CHST11: variants seen among roughly 807,000 people sequenced by gnomAD.
CHST11 encodes the protein carbohydrate sulfotransferase 11.
Under a neutral mutation model 30.4 loss-of-function variants are expected in CHST11, and 9 were observed. The observed-to-expected ratio is 0.30, with a 90% CI of 0.18 to 0.52. CHST11 has a LOEUF of 0.52. Ranked by LOEUF, CHST11 falls within the 20% of genes least tolerant of loss-of-function variation. CHST11 has a pLI of 0.97. For synonymous variants in CHST11, 152 were observed against 187.8 expected (o/e 0.81, Z 1.56); for missense variants, 348 against 460.6 (o/e 0.76, Z 2.24).
intron 1 of CHST11, among the ~76,000 whole-genome samples, chr12:104,557,561 AG>A (rs1346210821): frequency 6.6e-6 from 1 of 151,766 alleles, no homozygotes; most frequent in African/African-American, 2.4e-5. Context: ...TGAAGCCCAG[AG>A]GGGAGAGGAG....
chr12:104,744,089 A>G (rs964411000), intron 2 of CHST11, among the ~76,000 whole-genome samples: 5 of 152,234 alleles, frequency 3.3e-5, no homozygotes, highest in Non-Finnish European at 5.9e-5. Flanking sequence ...TCTTTATAAT[A>G]GAATGATTTA....
chr12:104,590,409 A>G (rs1230625823), intron 1 of CHST11, among the ~76,000 whole-genome samples: 1 of 152,210 alleles, frequency 6.6e-6, no homozygotes, highest in African/African-American at 2.4e-5. Context: ...ACTGTATTTC[A>G]AAACGGTTTA....
In CHST11 at chr12:104,507,772, A is replaced by T. The variant is rs547081393; in HGVS notation, c.118+50243A>T. Among the ~76,000 whole-genome samples, 130 of 152,142 alleles carry T rather than the reference A, an allele frequency of 8.5e-4. 3 individuals are homozygous for T. The South Asian group carries it at 0.024, about 28-fold the overall frequency. ...GTGTAGCCCAGGCAAATTCTCATGG[A>T]TCTGGCAAAGGTACAAGAGCCAGTG... On this transcript the variant is annotated intron_variant, in intron 1 of 2. Transcript: ENST00000303694.
intron 2 of CHST11, among the ~76,000 whole-genome samples, chr12:104,693,513 T>G (rs2039917701): frequency 6.6e-6 from 1 of 152,218 alleles, no homozygotes; most frequent in Admixed American, 6.5e-5. Context: ...GTCACTTAAA[T>G]TACACAACTT....
intron 2 of CHST11, among the ~76,000 whole-genome samples, chr12:104,657,904 G>A (rs1399809744): frequency 3.9e-5 from 6 of 152,120 alleles, no homozygotes; most frequent in East Asian, 1.9e-4. Flanking sequence ...GCCTGGACCC[G>A]AATAAAGACA....
At chr12:104,531,295 C>T (rs2038180673) in intron 1 of CHST11, among the ~76,000 whole-genome samples, 1 of 151,916 alleles carries the variant, frequency 6.6e-6, no homozygotes, top group African/African-American at 2.4e-5. Flanking sequence ...TTGAGACCAG[C>T]CTGGGCAACA....
rs187338359 is a variant in CHST11 at position 104,558,674 on chromosome 12, G to A, written c.119-43232G>A. ...CTGCCTTAGCCTCCCAAGTAACTGG[G>A]ACTTCAGGTGTGTGCCACCACGCCC... On this transcript the variant is annotated intron_variant, in intron 1 of 2. Coordinates refer to ENST00000303694, the MANE Select transcript of CHST11 (RefSeq NM_018413.6). 5.2e-3 allele frequency among the ~76,000 whole-genome samples: 795 copies of A among 151,818 alleles called. 3 individuals are homozygous for A. Among genetic ancestry groups the A allele is most frequent in the Non-Finnish European group, 9.3e-3 (633 of 67,978 alleles).
intron 1 of CHST11, among the ~76,000 whole-genome samples, chr12:104,477,459 T>C (rs1458608449): frequency 6.6e-6 from 1 of 152,176 alleles, no homozygotes; most frequent in African/African-American, 2.4e-5. Context: ...AGAAACCCTA[T>C]TGTCTGAATG....
intron 2 of CHST11, among the ~76,000 whole-genome samples, chr12:104,747,445 G>GTAGC (rs2040397214): frequency 6.6e-6 from 1 of 152,170 alleles, no homozygotes; most frequent in Admixed American, 6.5e-5. Flanking sequence ...TCAATATATG[G>GTAGC]TAGCTAGTAT....
At chr12:104,683,231 A>G (rs982332082) in intron 2 of CHST11, among the ~76,000 whole-genome samples, 1 of 152,192 alleles carries the variant, frequency 6.6e-6, no homozygotes, top group African/African-American at 2.4e-5. Flanking sequence ...CAGTCAGACA[A>G]AACTAAGGCA....
At chr12:104,748,089 A>G (rs1206472027) in intron 2 of CHST11, among the ~76,000 whole-genome samples, 2 of 152,212 alleles carry the variant, frequency 1.3e-5, no homozygotes, top group Admixed American at 6.5e-5. Context: ...ACGGTTTCCT[A>G]GAATCAGCCC....
intron 2 of CHST11, among the ~76,000 whole-genome samples, chr12:104,611,114 AT>A (rs1029481049): frequency 6.6e-6 from 1 of 152,194 alleles, no homozygotes; most frequent in African/African-American, 2.4e-5. Flanking sequence ...GTCATTTGAA[AT>A]TTTTTGGTAG....
At chr12:104,745,731 TCTTGA>T (rs1029111882) in intron 2 of CHST11, among the ~76,000 whole-genome samples, 2 of 152,208 alleles carry the variant, frequency 1.3e-5, no homozygotes, top group Non-Finnish European at 1.5e-5. Context: ...CTGATTTGGC[TCTTGA>T]CTTGACTATT....
chr12:104,720,615 G>A lies in CHST11; in HGVS notation c.205-36334G>A, dbSNP rs201692691. ...AGCTGCAAATTTCAAACAGTGTGAC[G>A]TGCTGCGGTCGGCAGCCAAGACAAA... On this transcript the variant is annotated intron_variant, in intron 2 of 2. Transcript: ENST00000303694. Among the ~76,000 whole-genome samples, 311 of 152,236 alleles carry A rather than the reference G, an allele frequency of 2.0e-3. 2 individuals carry two copies. The highest frequency in any genetic ancestry group is 3.4e-3 in the Middle Eastern group (1 of 294).
chr12:104,534,332 C>A (rs1704922), intron 1 of CHST11, among the ~76,000 whole-genome samples: 83,160 of 151,914 alleles, frequency 0.55, 23,314 homozygotes, highest in East Asian at 0.82. Flanking sequence ...AAGACCTTGA[C>A]CCTGAAACCG....
At chr12:104,547,363 G>A (rs960134544) in intron 1 of CHST11, among the ~76,000 whole-genome samples, 1 of 152,154 alleles carries the variant, frequency 6.6e-6, no homozygotes, top group African/African-American at 2.4e-5. Context: ...CTGGCGCCAG[G>A]AGCCGCAAGA....
At chr12:104,476,493 CAGAT>C (rs2037564375) in intron 1 of CHST11, among the ~76,000 whole-genome samples, 1 of 152,046 alleles carries the variant, frequency 6.6e-6, no homozygotes, top group Admixed American at 6.6e-5. Flanking sequence ...AATATTCCAT[CAGAT>C]GGATGTATTT....
At chr12:104,493,107 G>A (rs2037764924) in intron 1 of CHST11, among the ~76,000 whole-genome samples, 2 of 152,162 alleles carry the variant, frequency 1.3e-5, no homozygotes, top group African/African-American at 4.8e-5. Context: ...CTATAGCTGT[G>A]TTTCCTACTG....
intron 2 of CHST11, among the ~76,000 whole-genome samples, chr12:104,650,755 G>A (rs1208893819): frequency 7.2e-5 from 11 of 152,218 alleles, no homozygotes; most frequent in Admixed American, 2.0e-4. Flanking sequence ...AGCCTAAAAC[G>A]TGAGAGGCAC....
Sources: allele counts gnomAD v4.1 joint callset (sites outside exome capture counted in the v4.1 genomes callset), GRCh38; gene constraint gnomAD v4.1.1; transcripts MANE v1.5; gene names NCBI Gene and HGNC (gene_info 2026-07-23, HGNC 2026-07-21).